The following TRAPPC9 variants were observed in gnomAD, a reference collection of about 807,000 sequenced individuals.
The protein encoded by TRAPPC9 is IKK2 binding protein.
In TRAPPC9, 83 loss-of-function variants were observed where a neutral mutation model predicts 124.0. The ratio of observed to expected loss-of-function variants is 0.67; its 90% CI spans 0.56 to 0.80. TRAPPC9 has a LOEUF of 0.80. Ranked by LOEUF, TRAPPC9 falls within the 30% of genes least tolerant of loss-of-function variation. The probability of loss-of-function intolerance (pLI) is 0.00; values close to 1 mark genes in which losing one functional copy is unlikely to be tolerated. For missense variants in TRAPPC9, 1,302 were observed against 1,508.3 expected (o/e 0.86, Z 2.27); for synonymous variants, 638 against 617.5 (o/e 1.03, Z -0.49).
At chr8:140,065,065 T>C (rs1235769006) in intron 17 of TRAPPC9, among the ~76,000 whole-genome samples, 1 of 152,200 alleles carries the variant, frequency 6.6e-6, no homozygotes, top group Non-Finnish European at 1.5e-5. Context: ...TCATCCCCTA[T>C]AACCAAGGAA....
chr8:139,962,240 C>T lies in TRAPPC9; in HGVS notation c.2810+26486G>A, dbSNP rs1231996638. Among the ~76,000 whole-genome samples, 5 of 124,260 alleles carry T rather than the reference C, an allele frequency of 4.0e-5. 2 individuals are homozygous for T. Among genetic ancestry groups the T allele is most frequent in the Non-Finnish European group, 9.6e-5 (5 of 52,256 alleles). 81.5% of individuals were successfully genotyped at this position (124,260 alleles called of 152,430 possible). The stretch of plus-strand genomic sequence containing the variant: ...GAACTCGGGCAAAGGCACCACTGGC[C>T]GCAGAGATTTCCGGGAAGAAAATCG... On this transcript the variant is annotated intron_variant, in intron 19 of 22. Transcript: ENST00000438773.
chr8:140,339,988 G>A (rs776080646), intron 9 of TRAPPC9, among the ~76,000 whole-genome samples: 5 of 35,828 alleles, frequency 1.4e-4, no homozygotes, highest in Middle Eastern at 0.026. Context: ...AATTACAGGC[G>A]TGGTGCACCA....
intron 4 of TRAPPC9, among the ~76,000 whole-genome samples, chr8:140,429,731 G>C (rs183075441): frequency 6.6e-6 from 1 of 152,052 alleles, no homozygotes; most frequent in Non-Finnish European, 1.5e-5. Flanking sequence ...GCTTGAACCC[G>C]GGAGGCAGCG....
At chr8:140,013,460 C>T (rs778021528) in intron 18 of TRAPPC9, among the ~76,000 whole-genome samples, 2 of 152,248 alleles carry the variant, frequency 1.3e-5, no homozygotes, top group Non-Finnish European at 2.9e-5. Flanking sequence ...TGCCACACAT[C>T]GTTCACACTG....
At chr8:140,300,248 T>C (rs1020830937) in intron 11 of TRAPPC9, among the ~76,000 whole-genome samples, 11 of 142,466 alleles carry the variant, frequency 7.7e-5, no homozygotes, top group Non-Finnish European at 1.2e-4. Flanking sequence ...CACGCACGCA[T>C]GCATACACAC....
intron 13 of TRAPPC9, among the ~76,000 whole-genome samples, chr8:140,286,677 A>G (rs996546982): frequency 6.6e-6 from 1 of 152,066 alleles, no homozygotes. Flanking sequence ...TGACGGGGGC[A>G]GGGGCAGTTT....
chr8:140,195,375 G>C (rs1366325516), intron 17 of TRAPPC9, among the ~76,000 whole-genome samples: 2 of 152,074 alleles, frequency 1.3e-5, no homozygotes, highest in Non-Finnish European at 2.9e-5. Flanking sequence ...GATCACACCT[G>C]TGATACTAAA....
chr8:139,797,937 G>A (rs1007342068), intron 21 of TRAPPC9, among the ~76,000 whole-genome samples: 6 of 152,170 alleles, frequency 3.9e-5, no homozygotes, highest in African/African-American at 1.4e-4. Context: ...AGTGTGAGTT[G>A]TCCAACTTCG....
chr8:140,178,057 ACATG>A (rs1032003774), intron 17 of TRAPPC9, among the ~76,000 whole-genome samples: 1 of 152,156 alleles, frequency 6.6e-6, no homozygotes, highest in Non-Finnish European at 1.5e-5. Flanking sequence ...AGTATTTTCT[ACATG>A]CATAGTAATG....
chr8:140,325,484 G>A (rs143523481), intron 9 of TRAPPC9, among the ~76,000 whole-genome samples: 1 of 152,194 alleles, frequency 6.6e-6, no homozygotes, highest in East Asian at 1.9e-4. Context: ...GGATAATAAG[G>A]GAACAGTATA....
intron 19 of TRAPPC9, among the ~76,000 whole-genome samples, chr8:139,939,289 G>A (rs767618180): frequency 6.6e-6 from 1 of 152,216 alleles, no homozygotes; most frequent in Admixed American, 6.5e-5. Context: ...AGGTCAAGGA[G>A]CATAGGAGCC....
At chr8:140,276,621 A>C (rs1472665486) in intron 14 of TRAPPC9, among the ~76,000 whole-genome samples, 1 of 152,190 alleles carries the variant, frequency 6.6e-6, no homozygotes, top group African/African-American at 2.4e-5. Flanking sequence ...CCCAATCCAC[A>C]GGCTGCAAAC....
chr8:140,077,447 G>A (rs1442107359), intron 17 of TRAPPC9, among the ~76,000 whole-genome samples: 1 of 152,148 alleles, frequency 6.6e-6, no homozygotes. Context: ...TCATCTCAGA[G>A]AGTTAGGTAC....
At chr8:140,005,153 G>C (rs1482832017) in intron 18 of TRAPPC9, among the ~76,000 whole-genome samples, 1 of 152,126 alleles carries the variant, frequency 6.6e-6, no homozygotes, top group East Asian at 1.9e-4. Context: ...ATCTCACGGA[G>C]GACTATGAAT....
chr8:140,174,704 C>T (rs1046775678), intron 17 of TRAPPC9, among the ~76,000 whole-genome samples: 4 of 152,152 alleles, frequency 2.6e-5, no homozygotes, highest in Non-Finnish European at 4.4e-5. Context: ...TTCCGCTTAA[C>T]GATGTTTTCA....
intron 7 of TRAPPC9, among the ~76,000 whole-genome samples, chr8:140,388,539 C>T (rs1588264751): frequency 2.0e-5 from 3 of 151,970 alleles, no homozygotes; most frequent in Admixed American, 2.0e-4. Flanking sequence ...CAAAATTAGT[C>T]GGGCGTGGTG....
At chr8:139,803,466 C>G (rs1823709461) in intron 21 of TRAPPC9, among the ~76,000 whole-genome samples, 1 of 152,234 alleles carries the variant, frequency 6.6e-6, no homozygotes, top group Non-Finnish European at 1.5e-5. Context: ...AGCCCACCCT[C>G]CAGACAGTGC....
At chr8:140,264,569 G>A (rs994129037) in intron 15 of TRAPPC9, among the ~76,000 whole-genome samples, 4 of 150,664 alleles carry the variant, frequency 2.7e-5, no homozygotes, top group Non-Finnish European at 5.9e-5. Flanking sequence ...AAAAAAAACG[G>A]GGCGGGGGAA....
intron 19 of TRAPPC9, among the ~76,000 whole-genome samples, chr8:139,972,639 C>T (rs150345897): frequency 5.1e-4 from 77 of 152,246 alleles, no homozygotes; most frequent in Admixed American, 1.0e-3. Context: ...GCCCTGGCCA[C>T]GACTTGGCCC....
Sources: gnomAD v4.1 joint callset for allele counts (sites outside exome capture counted in the v4.1 genomes callset) on GRCh38, gnomAD v4.1.1 for gene constraint, MANE v1.5 for transcripts, NCBI Gene and HGNC (gene_info 2026-07-23, HGNC 2026-07-21) for gene names.